The following PARD3B variants were observed in gnomAD, a reference collection of about 807,000 sequenced individuals.
PARD3B encodes the protein partitioning defective 3 homolog B.
In PARD3B, 103 loss-of-function variants were observed where a neutral mutation model predicts 130.2. That is an observed-to-expected ratio of 0.79 (90% confidence interval 0.67 to 0.93). The LOEUF is 0.93. Ranked by LOEUF, PARD3B falls within the 40% of genes least tolerant of loss-of-function variation. The pLI is 0.00. For synonymous variants in PARD3B, 583 were observed against 553.2 expected (o/e 1.05, Z -0.76); for missense variants, 1,609 against 1,499.2 (o/e 1.07, Z -1.21).
intron 10 of PARD3B, among the ~76,000 whole-genome samples, chr2:205,141,367 C>T (rs2032936597): frequency 6.6e-6 from 1 of 152,034 alleles, no homozygotes. Flanking sequence ...GAATTTGCTC[C>T]CTGAGTGAAT....
chr2:204,774,907 G>GGGTACCAAGTTTAATGTTGT, intron 2 of PARD3B, among the ~76,000 whole-genome samples: 1 of 152,114 alleles, frequency 6.6e-6, no homozygotes, highest in South Asian at 2.1e-4. Context: ...GTAAGAAATT[G>GGGTACCAAGTTTAATGTTGT]TGGCATTTCT....
chr2:205,004,658 T>C (rs1366869829), intron 3 of PARD3B, among the ~76,000 whole-genome samples: 1 of 152,192 alleles, frequency 6.6e-6, no homozygotes. Context: ...CAATGTCATA[T>C]CAATAATATT....
At chr2:205,118,793 T>G in intron 6 of PARD3B, 128 bp from the exon 7 acceptor site, 1 of 707,748 alleles carries the variant, frequency 1.4e-6, no homozygotes, top group Non-Finnish European at 2.1e-6. Context: ...AACAAACAGT[T>G]GCCTGAATAT....
chr2:205,156,696 C>T (rs1457623587), intron 10 of PARD3B, among the ~76,000 whole-genome samples: 38 of 152,084 alleles, frequency 2.5e-4, no homozygotes, highest in Non-Finnish European at 1.2e-4. Context: ...ATAAACCTCA[C>T]AGGTTTGTTG....
chr2:205,314,727 A>G (rs2042503482), intron 18 of PARD3B, among the ~76,000 whole-genome samples: 1 of 152,212 alleles, frequency 6.6e-6, no homozygotes, highest in Non-Finnish European at 1.5e-5. Flanking sequence ...GAGACAGTCC[A>G]ATTTTGCTTC....
chr2:204,546,695 C>A (rs2029964866), intron 1 of PARD3B, among the ~76,000 whole-genome samples: 1 of 152,186 alleles, frequency 6.6e-6, no homozygotes, highest in South Asian at 2.1e-4. Context: ...CTTAGCCAAC[C>A]TGTCTACATT....
intron 2 of PARD3B, among the ~76,000 whole-genome samples, chr2:204,818,774 G>C (rs1418949835): frequency 1.3e-5 from 2 of 152,128 alleles, no homozygotes; most frequent in Non-Finnish European, 2.9e-5. Context: ...GTATCATAAA[G>C]AAAAAGGAAC....
chr2:204,941,780 G>A (rs1300635716), intron 2 of PARD3B, among the ~76,000 whole-genome samples: 1 of 152,088 alleles, frequency 6.6e-6, no homozygotes, highest in Non-Finnish European at 1.5e-5. Context: ...GTGTTTCCTT[G>A]AAAACTGAAT....
chr2:204,639,860 A>G (rs1482816992), intron 1 of PARD3B, among the ~76,000 whole-genome samples: 1 of 152,188 alleles, frequency 6.6e-6, no homozygotes, highest in Non-Finnish European at 1.5e-5. Context: ...TTGGTGATGT[A>G]TTCCCTGAGT....
intron 1 of PARD3B, among the ~76,000 whole-genome samples, chr2:204,671,135 T>C (rs1424021350): frequency 6.6e-6 from 1 of 152,152 alleles, no homozygotes; most frequent in East Asian, 1.9e-4. Flanking sequence ...ATTCGTCTAA[T>C]CACCTGTCAG....
rs1054755553 is a variant in PARD3B at position 205,020,618 on chromosome 2, A to T, written c.395-26963A>T. Among the ~76,000 whole-genome samples the T allele has an allele frequency of 2.6e-5, 4 of 152,284 alleles. No homozygotes were observed. In the East Asian group the frequency reaches 5.8e-4, roughly 22 times the overall value. On this transcript the variant is annotated intron_variant, in intron 3 of 22. Transcript: ENST00000406610. ...TAAGTTTACATTCAGGTAAGATTAC[A>T]TTGAAAATTATAACATTTTGTTCAA...
At chr2:205,089,808 A>G (rs1372400535) in intron 4 of PARD3B, among the ~76,000 whole-genome samples, 1 of 152,224 alleles carries the variant, frequency 6.6e-6, no homozygotes, top group African/African-American at 2.4e-5. Flanking sequence ...AGAAAGAATG[A>G]AAACCAGGTT....
In PARD3B at chr2:205,321,222, C is replaced by A. The variant is rs899104520; in HGVS notation, c.2630+19521C>A. Among the ~76,000 whole-genome samples, 3 of 152,130 alleles carry A rather than the reference C, an allele frequency of 2.0e-5. No homozygotes were observed. The highest frequency in any genetic ancestry group is 4.4e-5 in the Non-Finnish European group (3 of 68,016). On this transcript the variant is annotated intron_variant, in intron 18 of 22. Coordinates refer to ENST00000406610, the MANE Select transcript of PARD3B (RefSeq NM_001302769.2). The surrounding 1 kb of genome is among the most constrained non-coding windows in gnomAD (Gnocchi z 4.2). ...TGTTTGAGTATTGATTGTTGATTTA[C>A]AAGATTGAAGGAAATAGTAATTGTG...
chr2:204,635,575 G>A (rs144174843), intron 1 of PARD3B, among the ~76,000 whole-genome samples: 1 of 152,198 alleles, frequency 6.6e-6, no homozygotes, highest in Non-Finnish European at 1.5e-5. Context: ...CACAAGTTTT[G>A]AGGCTACATA....
chr2:205,259,783 C>T (rs2040231188), intron 16 of PARD3B, among the ~76,000 whole-genome samples: 2 of 152,124 alleles, frequency 1.3e-5, no homozygotes, highest in East Asian at 1.9e-4. Flanking sequence ...GAGTACAAGT[C>T]GAGTATCTCT....
intron 3 of PARD3B, among the ~76,000 whole-genome samples, chr2:204,988,619 G>T (rs192981457): frequency 1.6e-4 from 25 of 152,018 alleles, no homozygotes; most frequent in African/African-American, 6.0e-4. Context: ...TATACCTATT[G>T]TGTACCCACA....
At chr2:204,917,552 G>T (rs1575299973) in intron 2 of PARD3B, among the ~76,000 whole-genome samples, 1 of 152,210 alleles carries the variant, frequency 6.6e-6, no homozygotes, top group African/African-American at 2.4e-5. Flanking sequence ...GCTATCAGGA[G>T]TTTCGTTTGG....
intron 22 of PARD3B, among the ~76,000 whole-genome samples, chr2:205,557,988 G>A (rs1311539748): frequency 2.0e-5 from 3 of 152,176 alleles, no homozygotes; most frequent in African/African-American, 7.2e-5. Flanking sequence ...GCACCTGCAT[G>A]GGGATATGCT....
chr2:204,600,930 AT>A (rs550888318), intron 1 of PARD3B, among the ~76,000 whole-genome samples: 11 of 149,946 alleles, frequency 7.3e-5, no homozygotes, highest in South Asian at 2.1e-4. Flanking sequence ...TTAAAATAGG[AT>A]TTTTTTTTTC....
Sources: allele counts gnomAD v4.1 joint callset (sites outside exome capture counted in the v4.1 genomes callset), GRCh38; gene constraint gnomAD v4.1.1; non-coding constraint Gnocchi (gnomAD v3.1); transcripts MANE v1.5; gene names NCBI Gene and HGNC (gene_info 2026-07-23, HGNC 2026-07-21).